TRIM66: variants seen among roughly 807,000 people sequenced by gnomAD.
TRIM66 encodes tripartite motif-containing protein 66.
Under a neutral mutation model 148.2 loss-of-function variants are expected in TRIM66, and 99 were observed. The ratio of observed to expected loss-of-function variants is 0.67; its 90% CI spans 0.57 to 0.79. The LOEUF (loss-of-function observed/expected upper bound fraction) is 0.79, where lower values mean the gene tolerates loss of function less well. Ranked by LOEUF, TRIM66 falls within the 30% of genes least tolerant of loss-of-function variation. The pLI is 0.00. For missense variants in TRIM66, 1,666 were observed against 1,697.9 expected (o/e 0.98, Z 0.33); for synonymous variants, 616 against 635.9 (o/e 0.97, Z 0.47).
chr11:8,646,348 A>C, intron 11 of TRIM66, 99 bp downstream of exon 11: 1 of 944,218 alleles, frequency 1.1e-6, no homozygotes, highest in Non-Finnish European at 1.7e-6. Context: ...TGGAAGCTGC[A>C]TATCTGAATT....
Position 8,640,596 on chromosome 11 carries a change from G to A in TRIM66, c.1779C>T (p.His593=). 1 of 1,551,442 alleles carries A rather than the reference G, an allele frequency of 6.4e-7. No individual in the cohort carries two copies. The highest frequency in any genetic ancestry group is 1.2e-5 in the South Asian group (1 of 84,052). Reference sequence around the variant, plus strand: ...GCTGCTGCTGTGGCTGCTGCTGAAAGTGACTGAGCTTCAGCTTCTGGTGGT... The same window carrying A: ...GCTGCTGCTGTGGCTGCTGCTGAAAATGACTGAGCTTCAGCTTCTGGTGGT... ...FGHHQKLKLS[H]FQQQPQQQLP... Residue 593 remains histidine, a synonymous_variant, in exon 14 of 25, where the codon CAC becomes CAT. Transcript: ENST00000646038.
intron 15 of TRIM66, 80 bp downstream of exon 15, chr11:8,638,574 C>A: frequency 6.8e-7 from 1 of 1,479,940 alleles, no homozygotes; most frequent in Non-Finnish European, 9.1e-7. Context: ...TCCCCCCACC[C>A]TATCCTCCTC....
chr11:8,672,385 C>T lies in TRIM66; in HGVS notation c.-111G>A. The T allele has an allele frequency of 6.7e-7, 1 of 1,499,980 alleles. No individual in the cohort carries two copies. The highest frequency in any genetic ancestry group is 1.7e-4 in the Middle Eastern group (1 of 5,800). The allele number at this position is 1,499,980 out of a possible 1,614,324, so 92.9% of individuals were successfully genotyped here. On this transcript the variant is annotated splice_region_variant and 5_prime_UTR_variant, in exon 5 of 25. Transcript: ENST00000646038. ...TCTCCTTATTGGTAGACAAGCTTGACCTAAGTTTCAATTTTGGAAAAAGGA... is the reference window on the plus strand; with the variant it reads ...TCTCCTTATTGGTAGACAAGCTTGATCTAAGTTTCAATTTTGGAAAAAGGA...
At chr11:8,619,795 C>G (rs978233675) in intron 22 of TRIM66, among the ~76,000 whole-genome samples, 1 of 152,182 alleles carries the variant, frequency 6.6e-6, no homozygotes, top group African/African-American at 2.4e-5. Context: ...CATGGCCCTA[C>G]GGTCCCCTGG....
intron 8 of TRIM66, 46 bp from the exon 9 acceptor site, chr11:8,648,594 C>T (rs1412597428): frequency 1.3e-6 from 2 of 1,547,756 alleles, no homozygotes; most frequent in African/African-American, 2.7e-5. Context: ...CTCAGGTAGA[C>T]AAACCTCTCA....
At chr11:8,634,301 G>A (rs1483785838) in intron 15 of TRIM66, among the ~76,000 whole-genome samples, 2 of 152,144 alleles carry the variant, frequency 1.3e-5, no homozygotes. Flanking sequence ...GAGTAGCTGG[G>A]ACCACAGGCA....
Position 8,648,478 on chromosome 11 carries a change from G to C in TRIM66, c.663C>G (p.Phe221Leu). The C allele has an allele frequency of 6.4e-7, 1 of 1,551,774 alleles. No homozygotes were observed. Among genetic ancestry groups the C allele is most frequent in the Non-Finnish European group, 8.7e-7 (1 of 1,147,000 alleles). ...AAGTGAGCATATCACATGTCTCACA[G>C]AATAGCTTGAGTACTTCCTGTGTGT... ...PLHTQEVLKL[F>L]CETCDMLTCH... Residue 221 changes from phenylalanine (F) to leucine (L), a missense_variant, in exon 9 of 25, where the codon TTC becomes TTG. This residue lies in a region of TRIM66 where 1,431 missense variants were observed against 1,412.4 expected (regional missense o/e 1.01). Transcript: ENST00000646038.
intron 15 of TRIM66, among the ~76,000 whole-genome samples, chr11:8,637,188 T>C (rs2035953010): frequency 6.6e-6 from 1 of 152,182 alleles, no homozygotes. Context: ...TTATTATTGT[T>C]GATTAACTGT....
intron 6 of TRIM66, among the ~76,000 whole-genome samples, chr11:8,670,013 A>ATT (rs1319897173): frequency 2.8e-5 from 3 of 105,500 alleles, no homozygotes; most frequent in African/African-American, 6.9e-5. Context: ...TTTTGTTTTT[A>ATT]TTTATTTTTT....
chr11:8,636,401 T>C (rs998558322), intron 15 of TRIM66, among the ~76,000 whole-genome samples: 1 of 152,206 alleles, frequency 6.6e-6, no homozygotes, highest in Admixed American at 6.5e-5. Flanking sequence ...CATGCTTGCT[T>C]CTGAACTACT....
intron 6 of TRIM66, among the ~76,000 whole-genome samples, chr11:8,668,466 A>G (rs1252862384): frequency 6.6e-6 from 1 of 152,162 alleles, no homozygotes; most frequent in East Asian, 1.9e-4. Context: ...AGCCTCACTC[A>G]TGGCTGGCAA....
chr11:8,683,048 C>G, upstream of TRIM66: 1 of 875,436 alleles, frequency 1.1e-6, no homozygotes, highest in Non-Finnish European at 1.8e-6. Context: ...CGTGGTGAGA[C>G]CTCACGGCCC....
intron 7 of TRIM66, among the ~76,000 whole-genome samples, chr11:8,650,794 AT>A (rs981753003): frequency 4.6e-5 from 7 of 152,222 alleles, no homozygotes; most frequent in African/African-American, 1.4e-4. Context: ...CACCAGGCAG[AT>A]AAGGGAGGAA....
At position 8,619,467 on chromosome 11, in the gene TRIM66, C is replaced by A; in HGVS notation, c.3816G>T (p.Lys1272Asn). ...GGGTGGTATAGTGAGCTGGGTCCTT[C>A]TTTTGCAGCTTCCTCCGGATGATTG... ...DLSIIRRKLQKKDPAHYTTPE... is the reference protein window; with the variant it reads ...DLSIIRRKLQNKDPAHYTTPE... Residue 1272 changes from lysine (K) to asparagine (N), a missense_variant, in exon 23 of 25, where the codon AAG becomes AAT. Coordinates refer to ENST00000646038, the MANE Select transcript of TRIM66 (RefSeq NM_001388022.1). The A allele has an allele frequency of 6.4e-7, 1 of 1,551,430 alleles. No homozygotes were observed. Among genetic ancestry groups the A allele is most frequent in the Non-Finnish European group, 8.7e-7 (1 of 1,146,850 alleles).
chr11:8,643,872 A>G (rs1250419882), intron 12 of TRIM66, among the ~76,000 whole-genome samples: 1 of 151,986 alleles, frequency 6.6e-6, no homozygotes, highest in East Asian at 1.9e-4. Flanking sequence ...ATTTCTCATC[A>G]CTAACTCTCC....
intron 8 of TRIM66, among the ~76,000 whole-genome samples, chr11:8,649,113 C>T (rs761939759): frequency 1.8e-4 from 28 of 152,144 alleles, no homozygotes; most frequent in Non-Finnish European, 3.7e-4. Flanking sequence ...CCAAGGTGGG[C>T]GGATCACCTG....
chr11:8,648,203 C>T, intron 9 of TRIM66, 117 bp from the exon 10 acceptor site: 1 of 1,180,882 alleles, frequency 8.5e-7, no homozygotes, highest in Admixed American at 2.1e-5. Context: ...GCTGTGATGA[C>T]TTCTAGGGAA....
intron 14 of TRIM66, 85 bp from the exon 15 acceptor site, chr11:8,638,900 C>G: frequency 1.4e-6 from 2 of 1,396,006 alleles, no homozygotes; most frequent in Non-Finnish European, 1.9e-6. Flanking sequence ...TAGTGCTCAC[C>G]CTGCCATGTG....
chr11:8,651,321 G>A (rs947487079), intron 7 of TRIM66, among the ~76,000 whole-genome samples: 3 of 151,894 alleles, frequency 2.0e-5, no homozygotes, highest in African/African-American at 4.8e-5. Flanking sequence ...AAGGGCTGCC[G>A]GCCAATAAGT....
Sources: allele counts gnomAD v4.1 joint callset (sites outside exome capture counted in the v4.1 genomes callset), GRCh38; gene constraint gnomAD v4.1.1; regional missense constraint gnomAD v4.1.1; transcripts MANE v1.5; gene names NCBI Gene and HGNC (gene_info 2026-07-23, HGNC 2026-07-21).